The following LIN28B variants were observed in gnomAD, a reference collection of about 807,000 sequenced individuals.
LIN28B encodes the protein lin-28 RNA binding posttranscriptional regulator B, also known as protein lin-28 homolog B.
A neutral mutation model predicts 21.9 loss-of-function variants in LIN28B; 5 were observed. The ratio of observed to expected loss-of-function variants is 0.23; its 90% CI spans 0.12 to 0.48. The LOEUF is 0.48. Ranked by LOEUF, LIN28B falls within the 20% of genes least tolerant of loss-of-function variation. The pLI is 0.98. For missense variants in LIN28B, 245 were observed against 310.5 expected, an observed-to-expected ratio of 0.79 and a Z score of 1.58; for synonymous variants, 109 against 111.3, an observed-to-expected ratio of 0.98 and a Z score of 0.13.
At chr6:105,036,856 A>G (rs1050281082) in intron 3 of LIN28B, among the ~76,000 whole-genome samples, 15 of 152,250 alleles carry the variant, frequency 9.9e-5, no homozygotes, top group African/African-American at 3.6e-4. Flanking sequence ...ATTAGATCAT[A>G]TATTTATTGT....
At chr6:105,032,934 T>C (rs780870118) in intron 3 of LIN28B, among the ~76,000 whole-genome samples, 1 of 152,170 alleles carries the variant, frequency 6.6e-6, no homozygotes, top group Non-Finnish European at 1.5e-5. Context: ...AAGAACTCTT[T>C]GTGTAAGTTT....
intron 2 of LIN28B, among the ~76,000 whole-genome samples, chr6:104,960,866 A>C (rs996695065): frequency 2.0e-5 from 3 of 152,166 alleles, no homozygotes; most frequent in Non-Finnish European, 4.4e-5. Flanking sequence ...ATAGTTACAT[A>C]ACTCTACTTA....
chr6:104,960,763 A>G (rs576319220), intron 2 of LIN28B, among the ~76,000 whole-genome samples: 2 of 152,318 alleles, frequency 1.3e-5, no homozygotes, highest in East Asian at 1.9e-4. Flanking sequence ...ATGTAACAGC[A>G]TATCAAAACA....
chr6:104,972,349 C>T (rs1315284378), intron 2 of LIN28B, among the ~76,000 whole-genome samples: 2 of 151,730 alleles, frequency 1.3e-5, no homozygotes, highest in African/African-American at 4.8e-5. Flanking sequence ...TTGTGTGACC[C>T]AGGCTTTAAA....
At chr6:105,044,984 T>C (rs780562860) in intron 3 of LIN28B, among the ~76,000 whole-genome samples, 1 of 152,098 alleles carries the variant, frequency 6.6e-6, no homozygotes, top group African/African-American at 2.4e-5. Context: ...TCAGGCAATA[T>C]AGTGTGACCC....
At chr6:104,984,967 T>C (rs1448521800) in intron 2 of LIN28B, among the ~76,000 whole-genome samples, 1 of 152,208 alleles carries the variant, frequency 6.6e-6, no homozygotes, top group Non-Finnish European at 1.5e-5. Context: ...CTTTCCTAGG[T>C]GTCTAGACAA....
chr6:105,013,039 G>C (rs968248378), intron 2 of LIN28B, among the ~76,000 whole-genome samples: 1 of 152,076 alleles, frequency 6.6e-6, no homozygotes, highest in Non-Finnish European at 1.5e-5. Flanking sequence ...TTTTGAGACG[G>C]AGTTTTGCTC....
At chr6:104,959,383 A>G (rs1253713777) in intron 2 of LIN28B, among the ~76,000 whole-genome samples, 4 of 152,234 alleles carry the variant, frequency 2.6e-5, no homozygotes, top group Non-Finnish European at 4.4e-5. Flanking sequence ...TGAAAAGTAT[A>G]TATTTGATAC....
rs1364760720 is a variant in LIN28B, at chr6:105,082,716, T to G, written c.*3933T>G. ...ATGATCTGTGTCTTAATTGTTCAGT[T>G]AGAGTGAGAAGTTGACCTATGATTC... is the stretch of plus-strand genomic sequence containing the variant. On this transcript the variant is annotated 3_prime_UTR_variant, in exon 4 of 4. Coordinates refer to ENST00000345080, the MANE Select transcript of LIN28B (RefSeq NM_001004317.4). 6.6e-6 allele frequency: 1 copy of G among 152,624 alleles called. No individual in the cohort carries two copies. The highest frequency in any genetic ancestry group is 1.5e-5 in the Non-Finnish European group (1 of 68,040). The allele number at this position is 152,624 out of a possible 1,614,324, so 9.5% of individuals were successfully genotyped here. A position where few individuals can be genotyped will look rare whatever the true frequency, so the allele number is the denominator to read the frequency against.
chr6:105,049,839 T>G (rs1363840674), intron 3 of LIN28B, among the ~76,000 whole-genome samples: 1 of 152,166 alleles, frequency 6.6e-6, no homozygotes, highest in Admixed American at 6.5e-5. Context: ...CCTTTTTGTG[T>G]TTTCCATTTG....
At chr6:105,033,527 GT>G (rs1466497869) in intron 3 of LIN28B, among the ~76,000 whole-genome samples, 1 of 151,856 alleles carries the variant, frequency 6.6e-6, no homozygotes, top group Non-Finnish European at 1.5e-5. Context: ...CAACTTTCTG[GT>G]TACTCAAGGT....
In LIN28B at chr6:105,062,948, G is replaced by C. The variant is rs140951403; in HGVS notation, c.384-15466G>C. Among the ~76,000 whole-genome samples, 359 of 151,986 alleles carry C rather than the reference G, an allele frequency of 2.4e-3. 2 individuals are homozygous for C. Among genetic ancestry groups the C allele is most frequent in the African/African-American group, 8.3e-3 (346 of 41,452 alleles). On this transcript the variant is annotated intron_variant, in intron 3 of 3. Transcript: ENST00000345080. ...TCCACTTATGAGCCATATTTCTTAT[G>C]TATGGTTTCTTATGTAAATTTCTTA...
At chr6:105,057,278 G>A (rs1226681874) in intron 3 of LIN28B, among the ~76,000 whole-genome samples, 1 of 152,090 alleles carries the variant, frequency 6.6e-6, no homozygotes, top group Non-Finnish European at 1.5e-5. Context: ...GGTCTCTAAG[G>A]TCTTTTTATA....
At chr6:105,001,124 A>G (rs1177697649) in intron 2 of LIN28B, among the ~76,000 whole-genome samples, 1 of 152,204 alleles carries the variant, frequency 6.6e-6, no homozygotes, top group Admixed American at 6.5e-5. Context: ...AAACAAGAAG[A>G]TCTTCTAGGT....
At chr6:105,070,584 CAAT>C (rs1428820080) in intron 3 of LIN28B, among the ~76,000 whole-genome samples, 1 of 54,068 alleles carries the variant, frequency 1.8e-5, no homozygotes, top group African/African-American at 7.0e-5. Context: ...CTATCTCTAT[CAAT>C]AAAACCACAC....
intron 2 of LIN28B, among the ~76,000 whole-genome samples, chr6:104,942,935 AATTAT>A (rs1361312129): frequency 1.3e-5 from 2 of 152,110 alleles, no homozygotes; most frequent in African/African-American, 2.4e-5. Flanking sequence ...ATGATTCAAT[AATTAT>A]ATTCTCATTA....
intron 2 of LIN28B, among the ~76,000 whole-genome samples, chr6:104,950,189 G>T (rs994168534): frequency 6.6e-6 from 1 of 152,010 alleles, no homozygotes; most frequent in Non-Finnish European, 1.5e-5. Flanking sequence ...TGCATTGTTC[G>T]TGATATTGGG....
intron 2 of LIN28B, among the ~76,000 whole-genome samples, chr6:104,945,014 C>A (rs1308870364): frequency 1.3e-5 from 2 of 152,118 alleles, no homozygotes; most frequent in African/African-American, 2.4e-5. Context: ...TACAGACTTA[C>A]TTGGAAAGGC....
At chr6:105,011,102 A>G (rs995888352) in intron 2 of LIN28B, among the ~76,000 whole-genome samples, 2 of 152,184 alleles carry the variant, frequency 1.3e-5, no homozygotes, top group African/African-American at 4.8e-5. Flanking sequence ...AATGTTTATA[A>G]TATGCTAATA....
Sources: gnomAD v4.1 joint callset for allele counts (sites outside exome capture counted in the v4.1 genomes callset) on GRCh38, gnomAD v4.1.1 for gene constraint, MANE v1.5 for transcripts, NCBI Gene and HGNC (gene_info 2026-07-23, HGNC 2026-07-21) for gene names.